Variants in MOV10 observed in about 807,000 individuals in gnomAD.
MOV10 encodes the protein RNA helicase MOV-10.
A neutral mutation model predicts 108.4 loss-of-function variants in MOV10; 39 were observed. The observed-to-expected ratio is 0.36, with a 90% confidence interval of 0.28 to 0.47. The LOEUF (loss-of-function observed/expected upper bound fraction) is 0.47. MOV10 is among the 20% of genes least tolerant of loss of function. The pLI is 1.00. For synonymous variants in MOV10, 490 were observed against 523.1 expected, an observed-to-expected ratio of 0.94 and a Z score of 0.86; for missense variants, 952 against 1,297.6, an observed-to-expected ratio of 0.73 and a Z score of 4.09.
rs766602284 is a variant in MOV10, at chr1:112,696,429, C to T, written c.1884-8C>T. ...GATATGACCCCTGCCTGGCCTGACA[C>T]CTCCCAGGTTGGTCTCGGCCCAGTT... On this transcript the variant is annotated splice_region_variant and splice_polypyrimidine_tract_variant and intron_variant, in intron 12 of 20. Transcript: ENST00000369645. 1.2e-5 allele frequency: 19 copies of T among 1,608,772 alleles called. No individual in the cohort carries two copies. The highest frequency in any genetic ancestry group is 1.6e-4 in the Middle Eastern group (1 of 6,080).
At position 112,700,351 on chromosome 1, in the gene MOV10, G is replaced by A. The variant is rs1674530543; in HGVS notation, c.2920+11G>A. 1.2e-6 allele frequency: 2 copies of A among 1,614,218 alleles called. No individual in the cohort carries two copies. Among genetic ancestry groups the A allele is most frequent in the Non-Finnish European group, 1.7e-6 (2 of 1,180,034 alleles). ...GCCCCTCTACCTCAGGTATGGCTGG[G>A]CCAGGGTGGGGACAGTGCCAGAGGA... On this transcript the variant is annotated intron_variant, in intron 20 of 20. Transcript: ENST00000369645.
At chr1:112,681,904 T>G (rs1277565011) in intron 2 of MOV10, among the ~76,000 whole-genome samples, 1 of 151,800 alleles carries the variant, frequency 6.6e-6, no homozygotes, top group South Asian at 2.1e-4. Context: ...TTATGGGTTT[T>G]TTTTTTTTTT....
At chr1:112,679,792 T>C (rs530138225) in intron 2 of MOV10, among the ~76,000 whole-genome samples, 1 of 152,234 alleles carries the variant, frequency 6.6e-6, no homozygotes, top group South Asian at 2.1e-4. Flanking sequence ...TTGTCAAAAA[T>C]TTAAAACATT....
rs150253658 is a variant in MOV10, at chr1:112,675,229, C to A, written c.137+180C>A. ...CGCCTCGCCCACGCCCCACCAGCGC[C>A]GCCCGGAGCCCGCCAGTTCTGCCCG... is the stretch of plus-strand genomic sequence containing the variant. On this transcript the variant is annotated intron_variant, in intron 2 of 20. Coordinates refer to ENST00000369645, the MANE Select transcript of MOV10 (RefSeq NM_001321324.2). The surrounding 1 kb of genome is among the most constrained non-coding windows in gnomAD (Gnocchi z 4.7). Among the ~76,000 whole-genome samples, 139 of 152,064 alleles carry A rather than the reference C, an allele frequency of 9.1e-4. 1 individual carries two copies. The highest frequency in any genetic ancestry group is 3.2e-3 in the African/African-American group (134 of 41,518).
chr1:112,680,910 T>G (rs977881777), intron 2 of MOV10, among the ~76,000 whole-genome samples: 4 of 151,360 alleles, frequency 2.6e-5, no homozygotes, highest in African/African-American at 9.7e-5. Context: ...ACCATATTGG[T>G]CAGGCTGGTC....
At position 112,694,613 on chromosome 1, in the gene MOV10, T is replaced by A; in HGVS notation, c.1456T>A (p.Ser486Thr). Residue 486 changes from serine (S) to threonine (T), a missense_variant, in exon 9 of 21, where the codon TCA becomes ACA. By Grantham distance (58) the Ser-to-Thr change is moderately conservative. Around this residue, in one of 5 missense-constraint regions of MOV10, gnomAD observed 453 missense variants for 611.5 expected, o/e 0.74. Coordinates refer to ENST00000369645, the MANE Select transcript of MOV10 (RefSeq NM_001321324.2). This position sits in a 1 kb window ranked among gnomAD's most constrained non-coding sequence, Gnocchi z 4.1. Reference protein sequence around the residue: ...VAPRDVPLLPSDVKLKLYDRS... With the variant: ...VAPRDVPLLPTDVKLKLYDRS... ...ACCTCGGGACGTCCCGCTGCTGCCC[T>A]CAGATGTGAAACTCAAGTGAGACTG... The A allele has an allele frequency of 6.2e-7, 1 of 1,604,994 alleles. No homozygotes were observed. The highest frequency in any genetic ancestry group is 8.5e-7 in the Non-Finnish European group (1 of 1,174,998).
rs771420158 is a variant in MOV10, at chr1:112,690,055, C to G, written c.793C>G (p.Pro265Ala). ...CAAGCGGACCCGGATCACCGGAAAC[C>G]CTGTGGTGACCAATCGGATAGAGGA... ...PFKRTRITGN[P>A]VVTNRIEEGE... Residue 265 changes from proline to alanine, a missense_variant, in exon 5 of 21, where the codon CCT becomes GCT. Pro to Ala is a conservative substitution (Grantham distance 27). Around this residue, in one of 5 missense-constraint regions of MOV10, gnomAD observed 374 missense variants for 468.6 expected, o/e 0.80. Transcript: ENST00000369645. 3 of 1,613,966 alleles carry G rather than the reference C, an allele frequency of 1.9e-6. No homozygotes were observed. In the African/African-American group the frequency reaches 4.0e-5, roughly 22 times the overall value.
At chr1:112,698,209 C>A in intron 15 of MOV10, 78 bp from the exon 16 acceptor site, 33 of 1,599,848 alleles carry the variant, frequency 2.1e-5, no homozygotes, top group Non-Finnish European at 2.8e-5. Context: ...GGATCTCTTA[C>A]TCTCTGGAAG....
intron 19 of MOV10, 70 bp from the exon 20 acceptor site, chr1:112,700,149 G>A (rs1008171155): frequency 2.4e-5 from 39 of 1,607,936 alleles, no homozygotes; most frequent in Non-Finnish European, 3.2e-5. Flanking sequence ...GGTTGAGCAA[G>A]TACAGCTCAG....
rs1418847257 is a variant in MOV10, at chr1:112,698,857, C to G, written c.2583+68C>G. 3 of 1,343,174 alleles carry G rather than the reference C, an allele frequency of 2.2e-6. No individual in the cohort carries two copies. The African/African-American group carries it at 4.3e-5, about 19-fold the overall frequency. The allele number at this position is 1,343,174 out of a possible 1,614,324, so 83.2% of individuals were successfully genotyped here. ...CCCACTTGCCCACTTCCAGAGACTT[C>G]CTCAAGCTTCCACTCCAGCCCACGT... On this transcript the variant is annotated intron_variant, in intron 17 of 20. Coordinates refer to ENST00000369645, the MANE Select transcript of MOV10 (RefSeq NM_001321324.2).
Position 112,694,103 on chromosome 1 carries a change from A to G in MOV10, c.1226A>G (p.Asp409Gly). 3 of 1,613,968 alleles carry G rather than the reference A, an allele frequency of 1.9e-6. No homozygotes were observed. The highest frequency in any genetic ancestry group is 2.5e-6 in the Non-Finnish European group (3 of 1,179,980). Residue 409 changes from aspartate (D) to glycine (G), a missense_variant, in exon 8 of 21, where the codon GAC (aspartate) becomes GGC (glycine). Around this residue, in one of 5 missense-constraint regions of MOV10, gnomAD observed 453 missense variants for 611.5 expected, o/e 0.74. Transcript: ENST00000369645. This position sits in a 1 kb window ranked among gnomAD's most constrained non-coding sequence, Gnocchi z 4.1. ...TTGTCCTCGGAGACACACCAGGAGG[A>G]CCCCATCACATATAAGGGCTTTGTG... ...ALLSSETHQE[D>G]PITYKGFVHK...
Position 112,690,069 on chromosome 1 carries a change from T to C in MOV10, c.807T>C (p.Asn269=), listed in dbSNP as rs1161962175. ...TCACCGGAAACCCTGTGGTGACCAA[T>C]CGGATAGAGGAAGGAGAGAGACCTG... ...TRITGNPVVT[N]RIEEGERPDR... Residue 269 remains asparagine, a synonymous_variant, in exon 5 of 21, where the codon AAT becomes AAC. Transcript: ENST00000369645. The C allele has an allele frequency of 1.2e-6, 2 of 1,613,740 alleles. No individual in the cohort carries two copies. Among genetic ancestry groups the C allele is most frequent in the Non-Finnish European group, 1.7e-6 (2 of 1,180,006 alleles).
intron 2 of MOV10, among the ~76,000 whole-genome samples, chr1:112,680,637 C>A: frequency 9.3e-6 from 1 of 107,426 alleles, no homozygotes; most frequent in Admixed American, 1.5e-4. Flanking sequence ...GCCTGGGCGA[C>A]AGAGTGAGAC....
In MOV10 at chr1:112,698,933, T is replaced by C. The variant is rs1258261398; in HGVS notation, c.2583+144T>C. On this transcript the variant is annotated intron_variant, in intron 17 of 20. Transcript: ENST00000369645. ...ATAGAGCTCGAGCTCTCCCTGAGCCTCTCACTCCTGGAGATTCCAACTTAA... is the reference window on the plus strand; with the variant it reads ...ATAGAGCTCGAGCTCTCCCTGAGCCCCTCACTCCTGGAGATTCCAACTTAA... 5 of 723,314 alleles carry C rather than the reference T, an allele frequency of 6.9e-6. No homozygotes were observed. In the African/African-American group the frequency reaches 7.0e-5, roughly 10 times the overall value. 44.8% of individuals were successfully genotyped at this position (723,314 alleles called of 1,614,324 possible). A position where few individuals can be genotyped will look rare whatever the true frequency, so the allele number is the denominator to read the frequency against.
chr1:112,693,047 G>A (rs1673727060), intron 7 of MOV10, 118 bp downstream of exon 7: 1 of 977,886 alleles, frequency 1.0e-6, no homozygotes, highest in Non-Finnish European at 1.5e-6. Flanking sequence ...TGGTTCCCAG[G>A]GCTCCGCAAG....
At chr1:112,693,953 C>T (rs1400606900) in intron 7 of MOV10, 65 bp from the exon 8 acceptor site, 1 of 1,536,710 alleles carries the variant, frequency 6.5e-7, no homozygotes, top group Non-Finnish European at 9.0e-7. Context: ...TCTGGGGAAC[C>T]TGGGGGCTGG....
chr1:112,686,697 C>G (rs1673105509), intron 2 of MOV10, among the ~76,000 whole-genome samples: 1 of 152,176 alleles, frequency 6.6e-6, no homozygotes, highest in Non-Finnish European at 1.5e-5. Flanking sequence ...GTCAGTCCCT[C>G]CAACCCCTCC....
rs1270936545 is a variant in MOV10, at chr1:112,699,804, C to A, written c.2703C>A (p.Asn901Lys). The part of the protein sequence containing the change: ...DLDFNLGFLK[N>K]PKRFNVAVTR... The stretch of plus-strand genomic sequence containing the variant: ...ACTTTAATCTGGGTTTCCTTAAGAA[C>A]CCCAAGGTTTGAGGGCTGGTCGGGG... The change falls in exon 18 of 21, where the codon AAC (asparagine) becomes AAA (lysine). Residue 901 changes from asparagine (N) to lysine (K), a missense_variant. Physicochemically the swap from Asn to Lys is moderately conservative, Grantham distance 94. Coordinates refer to ENST00000369645, the MANE Select transcript of MOV10 (RefSeq NM_001321324.2). 1 of 1,614,092 alleles carries A rather than the reference C, an allele frequency of 6.2e-7. No homozygotes were observed. Among genetic ancestry groups the A allele is most frequent in the African/African-American group, 1.3e-5 (1 of 74,930 alleles).
intron 2 of MOV10, among the ~76,000 whole-genome samples, chr1:112,680,581 G>A (rs112725903): frequency 0.03 from 4,464 of 148,844 alleles, 247 homozygotes; most frequent in African/African-American, 0.1. Context: ...GCCTGAACCC[G>A]GGAGGCGGAG....
Sources: gnomAD v4.1 joint callset for allele counts (sites outside exome capture counted in the v4.1 genomes callset) on GRCh38, gnomAD v4.1.1 for gene constraint, gnomAD v4.1.1 regional missense constraint, Gnocchi (gnomAD v3.1) non-coding constraint, MANE v1.5 for transcripts, NCBI Gene and HGNC (gene_info 2026-07-23, HGNC 2026-07-21) for gene names.